The following APC variants were observed in gnomAD, a reference collection of about 807,000 sequenced individuals.
APC encodes APC regulator of Wnt signaling pathway.
APC carries 72 observed loss-of-function variants against 247.0 expected under a neutral mutation model. The ratio of observed to expected loss-of-function variants is 0.29; its 90% CI spans 0.24 to 0.35. The LOEUF is 0.35. Among genes scored for constraint, APC ranks in the 10% least tolerant of loss-of-function variants. The probability of loss-of-function intolerance (pLI) is 1.00; values close to 1 mark genes in which losing one functional copy is unlikely to be tolerated. For synonymous variants in APC, 1,254 were observed against 1,162.5 expected (o/e 1.08, Z -1.60); for missense variants, 3,400 against 3,360.7 (o/e 1.01, Z -0.29).
intron 8 of APC, among the ~76,000 whole-genome samples, chr5:112,812,820 A>G (rs1762123343): frequency 6.6e-6 from 1 of 152,240 alleles, no homozygotes; most frequent in Non-Finnish European, 1.5e-5. Flanking sequence ...GCAGGGGCTC[A>G]GGCAATATTT....
In APC at chr5:112,819,274, C is replaced by G. The variant is rs751423790; in HGVS notation, c.1242C>G (p.Arg414=). 1 of 1,614,068 alleles carries G rather than the reference C, an allele frequency of 6.2e-7. No individual in the cohort carries two copies. Among genetic ancestry groups the G allele is most frequent in the Non-Finnish European group, 8.5e-7 (1 of 1,179,974 alleles). The part of the protein sequence containing the change: ...IRVLHLLEQI[R]AYCETCWEWQ... Reference sequence around the variant, plus strand: ...TCCTTCATCTTTTGGAACAGATACGCGCTTACTGTGAAACCTGTTGGGAGT... The same window carrying G: ...TCCTTCATCTTTTGGAACAGATACGGGCTTACTGTGAAACCTGTTGGGAGT... The change falls in exon 10 of 16, where the codon CGC becomes CGG. Residue 414 remains arginine (R), a synonymous_variant. Transcript: ENST00000257430.
intron 8 of APC, among the ~76,000 whole-genome samples, chr5:112,808,492 C>T (rs1053923278): frequency 2.0e-5 from 3 of 152,008 alleles, no homozygotes; most frequent in African/African-American, 2.4e-5. Context: ...ATCTCACTCT[C>T]GCCTGGACTA....
chr5:112,742,931 T>G (rs1044340621), intron 1 of APC, among the ~76,000 whole-genome samples: 1 of 152,234 alleles, frequency 6.6e-6, no homozygotes, highest in Non-Finnish European at 1.5e-5. Context: ...CATTGTTTCC[T>G]ATTGCTGTTG....
chr5:112,721,831 G>T (rs1206808970), intron 1 of APC, among the ~76,000 whole-genome samples: 3 of 151,904 alleles, frequency 2.0e-5, no homozygotes, highest in South Asian at 4.2e-4. Context: ...TTATGTCTTG[G>T]GCCACACATA....
In APC at chr5:112,842,905, A is replaced by C. The variant is rs745815339; in HGVS notation, c.7311A>C (p.Leu2437Phe). The C allele has an allele frequency of 1.2e-6, 2 of 1,614,094 alleles. No individual in the cohort carries two copies. Among genetic ancestry groups the C allele is most frequent in the Non-Finnish European group, 1.7e-6 (2 of 1,179,936 alleles). ...SESDRSERPV[L>F]VRQSTFIKEA... ...CTGATAGATCAGAAAGACCTGTATT[A>C]GTACGCCAGTCAACTTTCATCAAAG... Residue 2437 changes from leucine to phenylalanine, a missense_variant, in exon 16 of 16, where the codon TTA becomes TTC. Around this residue, in one of 9 missense-constraint regions of APC, gnomAD observed 1,788 missense variants for 1,649.5 expected, o/e 1.08. Coordinates refer to ENST00000257430, the MANE Select transcript of APC (RefSeq NM_000038.6).
intron 1 of APC, among the ~76,000 whole-genome samples, chr5:112,752,937 C>T (rs1387426038): frequency 6.6e-6 from 1 of 152,072 alleles, no homozygotes; most frequent in Non-Finnish European, 1.5e-5. Context: ...ATAAAGGGTA[C>T]TTTTAGCAGT....
At chr5:112,709,178 C>G (rs1750702766) in intron 1 of APC, among the ~76,000 whole-genome samples, 1 of 152,150 alleles carries the variant, frequency 6.6e-6, no homozygotes, top group African/African-American at 2.4e-5. Flanking sequence ...AGTTGTTAAG[C>G]ACAAACTATG....
At chr5:112,828,198 G>C (rs577783527) in intron 13 of APC, among the ~76,000 whole-genome samples, 192 bp downstream of exon 13, 30 of 151,922 alleles carry the variant, frequency 2.0e-4, no homozygotes, top group Non-Finnish European at 1.5e-4. Context: ...CATGCCAAAC[G>C]AATTTTTGTA....
chr5:112,794,166 C>G (rs1245141236), intron 7 of APC, among the ~76,000 whole-genome samples: 1 of 152,064 alleles, frequency 6.6e-6, no homozygotes, highest in African/African-American at 2.4e-5. Flanking sequence ...AATCTCGGCT[C>G]ACTGCAACCT....
chr5:112,759,870 C>T (rs1034893780), intron 2 of APC, among the ~76,000 whole-genome samples: 1 of 151,966 alleles, frequency 6.6e-6, no homozygotes, highest in Admixed American at 6.6e-5. Flanking sequence ...AATTGTATTC[C>T]ATTTTCTTTT....
intron 1 of APC, among the ~76,000 whole-genome samples, chr5:112,709,206 G>A (rs75403415): frequency 5.9e-4 from 90 of 152,288 alleles, no homozygotes; most frequent in African/African-American, 2.0e-3. Flanking sequence ...TATTAGAATT[G>A]TATGTTAAAA....
intron 1 of APC, among the ~76,000 whole-genome samples, chr5:112,742,365 T>C (rs1394018879): frequency 6.6e-6 from 1 of 152,208 alleles, no homozygotes; most frequent in Admixed American, 6.5e-5. Context: ...ACTATGTTAT[T>C]TATGTATTTC....
At chr5:112,726,785 C>T (rs115708527) in intron 1 of APC, among the ~76,000 whole-genome samples, 1,677 of 152,094 alleles carry the variant, frequency 0.011, 8 homozygotes, top group Middle Eastern at 0.034. Context: ...GTGTATGACA[C>T]TTAAGATAAT....
intron 1 of APC, among the ~76,000 whole-genome samples, chr5:112,744,719 TAGAGG>T (rs1363375164): frequency 1.3e-5 from 2 of 152,146 alleles, no homozygotes; most frequent in Admixed American, 6.5e-5. Flanking sequence ...AAATAGTTTG[TAGAGG>T]AAAGTGAGGA....
At chr5:112,709,823 G>A (rs957314947) in intron 1 of APC, among the ~76,000 whole-genome samples, 1 of 152,110 alleles carries the variant, frequency 6.6e-6, no homozygotes. Context: ...GAGGATTGTT[G>A]GAGCCCGGGA....
rs1554084865 is a variant in APC at position 112,838,815 on chromosome 5, C to T, written c.3221C>T (p.Thr1074Ile). ...AGACAATCAAGGAATCAAAGTACAA[C>T]TTATCCTGTTTATACTGAGAGCACT... ...EQRQSRNQSTTYPVYTESTDD... is the reference protein window; with the variant it reads ...EQRQSRNQSTIYPVYTESTDD... The change falls in exon 16 of 16, where the codon ACT (threonine) becomes ATT (isoleucine). Residue 1074 changes from threonine (T) to isoleucine (I), a missense_variant. Around this residue, in one of 9 missense-constraint regions of APC, gnomAD observed 715 missense variants for 656.6 expected, o/e 1.09. Transcript: ENST00000257430. The T allele has an allele frequency of 6.2e-7, 1 of 1,614,152 alleles. No individual in the cohort carries two copies. The highest frequency in any genetic ancestry group is 8.5e-7 in the Non-Finnish European group (1 of 1,180,024).
rs541317651 is a variant in APC, at chr5:112,837,685, A to G, written c.2091A>G (p.Ala697=). The part of the protein sequence containing the change: ...LSARNPKDQE[A]LWDMGAVSML... ...CAAGAAATCCTAAAGACCAGGAAGC[A>G]TTATGGGACATGGGGGCAGTTAGCA... Residue 697 remains alanine (A), a synonymous_variant, in exon 16 of 16, where the codon GCA becomes GCG. Coordinates refer to ENST00000257430, the MANE Select transcript of APC (RefSeq NM_000038.6). 5.0e-6 allele frequency: 8 copies of G among 1,614,216 alleles called. No individual in the cohort carries two copies. The South Asian group carries it at 5.5e-5, about 11-fold the overall frequency.
intron 11 of APC, 94 bp from the exon 12 acceptor site, chr5:112,827,014 G>C (rs2149807504): frequency 8.0e-7 from 1 of 1,242,478 alleles, no homozygotes; most frequent in Non-Finnish European, 1.2e-6. Flanking sequence ...CTCATTGATT[G>C]AGTTTTTTTT....
chr5:112,741,606 A>AT (rs1174221189), intron 1 of APC, among the ~76,000 whole-genome samples: 1 of 152,184 alleles, frequency 6.6e-6, no homozygotes, highest in Non-Finnish European at 1.5e-5. Flanking sequence ...TTTTAAAAAA[A>AT]TTTTATTGTG....
Sources: allele counts gnomAD v4.1 joint callset (sites outside exome capture counted in the v4.1 genomes callset), GRCh38; gene constraint gnomAD v4.1.1; regional missense constraint gnomAD v4.1.1; transcripts MANE v1.5; gene names NCBI Gene and HGNC (gene_info 2026-07-23, HGNC 2026-07-21).